CRYBG1: variants seen among roughly 807,000 people sequenced by gnomAD.
CRYBG1 encodes the protein crystallin beta-gamma domain containing 1.
Under a neutral mutation model 189.2 loss-of-function variants are expected in CRYBG1, and 139 were observed. The ratio of observed to expected loss-of-function variants is 0.73; its 90% CI spans 0.64 to 0.85. The LOEUF (loss-of-function observed/expected upper bound fraction) is 0.85, where lower values mean the gene tolerates loss of function less well. Among genes scored for constraint, CRYBG1 ranks in the 40% least tolerant of loss-of-function variants. The pLI is 0.00. For synonymous variants in CRYBG1, 1,023 were observed against 1,017.1 expected, an observed-to-expected ratio of 1.01 and a Z score of -0.11; for missense variants, 2,611 against 2,675.8, an observed-to-expected ratio of 0.98 and a Z score of 0.53.
chr6:106,469,096 C>G (rs912050041), intron 2 of CRYBG1, among the ~76,000 whole-genome samples: 4 of 152,214 alleles, frequency 2.6e-5, no homozygotes, highest in African/African-American at 4.8e-5. Flanking sequence ...CTCCCCACCA[C>G]TCACCCCTCA....
chr6:106,373,273 C>T (rs1334567826), intron 1 of CRYBG1, among the ~76,000 whole-genome samples: 1 of 152,166 alleles, frequency 6.6e-6, no homozygotes, highest in Non-Finnish European at 1.5e-5. Flanking sequence ...TGACTCAGTT[C>T]CTGAAGTGTT....
At chr6:106,428,135 G>C (rs1035473323) in intron 1 of CRYBG1, among the ~76,000 whole-genome samples, 1 of 152,084 alleles carries the variant, frequency 6.6e-6, no homozygotes, top group Admixed American at 6.5e-5. Flanking sequence ...ATTAATATTA[G>C]CTTTCTTTTG....
chr6:106,468,702 T>C (rs9386548), intron 2 of CRYBG1, among the ~76,000 whole-genome samples: 26,845 of 152,066 alleles, frequency 0.18, 2,472 homozygotes, highest in South Asian at 0.25. Flanking sequence ...AAAATCATAA[T>C]AAAATTTAAA....
chr6:106,376,729 T>C (rs1293994877), intron 1 of CRYBG1, among the ~76,000 whole-genome samples: 6 of 152,188 alleles, frequency 3.9e-5, no homozygotes, highest in African/African-American at 1.4e-4. Context: ...ATCTTGTAAC[T>C]AGTCAGTTAT....
intron 2 of CRYBG1, among the ~76,000 whole-genome samples, chr6:106,478,793 T>G (rs1159528902): frequency 6.6e-6 from 1 of 152,202 alleles, no homozygotes; most frequent in African/African-American, 2.4e-5. Flanking sequence ...TCCTGTCAGA[T>G]CAGTGGCGGC....
rs116914862 is a variant in CRYBG1 at position 106,386,793 on chromosome 6, G to A, written c.173+25712G>A. Among the ~76,000 whole-genome samples, 651 of 152,266 alleles carry A rather than the reference G, an allele frequency of 4.3e-3. 2 individuals are homozygous for A. Among genetic ancestry groups the A allele is most frequent in the Middle Eastern group, 0.01 (3 of 294 alleles). On this transcript the variant is annotated intron_variant, in intron 1 of 21. Coordinates refer to ENST00000633556, the MANE Select transcript of CRYBG1 (RefSeq NM_001371242.2). ...GGCTGTAAATAACAGATGAAGCTTC[G>A]CTCACTTGCCTGTCATTCACTTCCT...
In CRYBG1 at chr6:106,568,774, C is replaced by CTTTCA. The variant is rs1365237213; in HGVS notation, c.*213_*217dup. The CTTTCA allele has an allele frequency of 2.2e-6, 1 of 457,882 alleles. No individual in the cohort carries two copies. Among genetic ancestry groups the CTTTCA allele is most frequent in the African/African-American group, 1.9e-5 (1 of 51,586 alleles). 28.4% of individuals were successfully genotyped at this position (457,882 alleles called of 1,614,324 possible). On this transcript the variant is annotated 3_prime_UTR_variant, in exon 22 of 22. Coordinates refer to ENST00000633556, the MANE Select transcript of CRYBG1 (RefSeq NM_001371242.2). ...AGCTTTAAACCAATAATTTGTCCTC[C>CTTTCA]TTTCATTTCTTGCCTTTCATTTTTG...
intron 1 of CRYBG1, among the ~76,000 whole-genome samples, chr6:106,370,660 TAA>T (rs1452674741): frequency 6.6e-6 from 1 of 152,178 alleles, no homozygotes; most frequent in African/African-American, 2.4e-5. Context: ...ATTCTGAGGA[TAA>T]GGAAACTGAA....
Position 106,558,522 on chromosome 6 carries a change from G to C in CRYBG1, c.5752G>C (p.Glu1918Gln). The C allele has an allele frequency of 6.2e-7, 1 of 1,607,912 alleles. No individual in the cohort carries two copies. ...SEPTIILFEREDFKGKKIELN... is the reference protein window; with the variant it reads ...SEPTIILFERQDFKGKKIELN... ...ACCAACAATTATTCTCTTTGAAAGA[G>C]AAGACTTCAAAGGAAAAAAGATTGA... The change falls in exon 18 of 22, where the codon GAA becomes CAA. Residue 1918 changes from glutamate to glutamine, a missense_variant. Physicochemically the swap from Glu to Gln is conservative, Grantham distance 29 (BLOSUM62 2). Coordinates refer to ENST00000633556, the MANE Select transcript of CRYBG1 (RefSeq NM_001371242.2).
chr6:106,403,241 G>T (rs1408812380), intron 1 of CRYBG1, among the ~76,000 whole-genome samples: 4 of 152,196 alleles, frequency 2.6e-5, no homozygotes, highest in African/African-American at 9.6e-5. Context: ...GGAGGCTGAG[G>T]TGGGAGGATT....
At chr6:106,454,744 T>TTTTACTTA (rs1771850292) in intron 2 of CRYBG1, 2 of 152,276 alleles carry the variant, frequency 1.3e-5, no homozygotes, top group East Asian at 3.8e-4. Context: ...GTTATTGTAT[T>TTTTACTTA]TGTATACTAT....
intron 1 of CRYBG1, among the ~76,000 whole-genome samples, chr6:106,387,250 T>C (rs528273182): frequency 6.6e-6 from 1 of 152,272 alleles, no homozygotes; most frequent in South Asian, 2.1e-4. Context: ...ATTTCCATAG[T>C]AAGACTGTCA....
At chr6:106,472,971 T>A (rs1400038493) in intron 2 of CRYBG1, among the ~76,000 whole-genome samples, 2 of 152,140 alleles carry the variant, frequency 1.3e-5, no homozygotes, top group East Asian at 3.8e-4. Flanking sequence ...TCTGTGTTAT[T>A]TTTAATAGGC....
At chr6:106,433,765 ATATATATG>A (rs1165466419) in intron 1 of CRYBG1, among the ~76,000 whole-genome samples, 8 of 83,838 alleles carry the variant, frequency 9.5e-5, no homozygotes, top group African/African-American at 3.3e-4. Flanking sequence ...ATGTGTATAT[ATATATATG>A]TATATATATA....
Position 106,520,180 on chromosome 6 carries a change from G to C in CRYBG1, c.2972G>C (p.Ser991Thr). The C allele has an allele frequency of 6.2e-7, 1 of 1,614,160 alleles. No homozygotes were observed. Among genetic ancestry groups the C allele is most frequent in the Non-Finnish European group, 8.5e-7 (1 of 1,180,036 alleles). Residue 991 changes from serine to threonine, a missense_variant, in exon 4 of 22, where the codon AGT (serine) becomes ACT (threonine). Transcript: ENST00000633556. ...GAAGTGCAGTTGCCAACTTGTCACAGTAATGAACCTGAAGTGGTTTCCGTT... is the reference window on the plus strand; with the variant it reads ...GAAGTGCAGTTGCCAACTTGTCACACTAATGAACCTGAAGTGGTTTCCGTT... ...VREVQLPTCHSNEPEVVSVAS... is the reference protein window; with the variant it reads ...VREVQLPTCHTNEPEVVSVAS...
chr6:106,445,220 C>T (rs1771644412), intron 1 of CRYBG1, among the ~76,000 whole-genome samples: 1 of 152,168 alleles, frequency 6.6e-6, no homozygotes, highest in Admixed American at 6.5e-5. Flanking sequence ...TTTAAAAACT[C>T]GAATGAGCAT....
intron 1 of CRYBG1, among the ~76,000 whole-genome samples, chr6:106,404,644 A>G (rs541362193): frequency 2.3e-4 from 35 of 152,282 alleles, no homozygotes; most frequent in South Asian, 1.7e-3. Flanking sequence ...AGATCAACAC[A>G]GAAGGTGGGT....
chr6:106,566,703 T>C (rs978018635), intron 21 of CRYBG1, among the ~76,000 whole-genome samples: 2 of 151,980 alleles, frequency 1.3e-5, no homozygotes, highest in South Asian at 2.1e-4. Context: ...AATGGTGCCA[T>C]CTTGTGGACA....
intron 8 of CRYBG1, among the ~76,000 whole-genome samples, chr6:106,534,822 T>C (rs944230673): frequency 1.3e-5 from 2 of 151,760 alleles, no homozygotes; most frequent in Non-Finnish European, 2.9e-5. Context: ...GCGGGGTGTG[T>C]GTAGGGGTGG....
Sources: gnomAD v4.1 joint callset for allele counts (sites outside exome capture counted in the v4.1 genomes callset) on GRCh38, gnomAD v4.1.1 for gene constraint, MANE v1.5 for transcripts, NCBI Gene and HGNC (gene_info 2026-07-23, HGNC 2026-07-21) for gene names.